Variants in ADAMTSL1 observed in about 807,000 individuals in gnomAD.
The protein encoded by ADAMTSL1 is ADAMTS like 1, also known as ADAMTS-like protein 1.
In ADAMTSL1, 126 loss-of-function variants were observed where a neutral mutation model predicts 201.8. That is an observed-to-expected ratio of 0.62 (90% CI 0.54 to 0.72). ADAMTSL1 has a LOEUF of 0.72. Among genes scored for constraint, ADAMTSL1 ranks in the 30% least tolerant of loss-of-function variants. The pLI is 0.00. For synonymous variants in ADAMTSL1, 1,121 were observed against 903.4 expected, an observed-to-expected ratio of 1.24 and a Z score of -4.32; for missense variants, 2,679 against 2,277.8, an observed-to-expected ratio of 1.18 and a Z score of -3.59.
intron 15 of ADAMTSL1, among the ~76,000 whole-genome samples, chr9:18,728,531 C>T (rs976100126): frequency 6.6e-5 from 10 of 151,926 alleles, no homozygotes; most frequent in Admixed American, 4.6e-4. Flanking sequence ...TCACGGATAA[C>T]GAGAAGACAA....
intron 4 of ADAMTSL1, among the ~76,000 whole-genome samples, chr9:18,581,071 G>C (rs963914550): frequency 2.6e-5 from 4 of 151,974 alleles, no homozygotes; most frequent in Non-Finnish European, 4.4e-5. Context: ...AAAAATCAAA[G>C]TGTCATCAGA....
chr9:18,659,088 C>T (rs1373637244), intron 8 of ADAMTSL1, among the ~76,000 whole-genome samples: 3 of 152,162 alleles, frequency 2.0e-5, no homozygotes, highest in Admixed American at 1.3e-4. Flanking sequence ...AAAATTAGCA[C>T]ATCAAATAAA....
intron 1 of ADAMTSL1, among the ~76,000 whole-genome samples, chr9:17,933,683 G>A (rs556387169): frequency 8.5e-5 from 13 of 152,104 alleles, no homozygotes; most frequent in Admixed American, 2.0e-4. Context: ...AAGAGAAAGC[G>A]GGCTCATCTT....
intron 15 of ADAMTSL1, among the ~76,000 whole-genome samples, chr9:18,722,140 G>GGT (rs33942222): frequency 0.26 from 39,845 of 151,958 alleles, 5,753 homozygotes; most frequent in Non-Finnish European, 0.33. Context: ...ATGCTCTGGG[G>GGT]GTGTGTGTGT....
At chr9:18,756,122 T>TAC (rs1563772077) in intron 16 of ADAMTSL1, among the ~76,000 whole-genome samples, 4 of 85,844 alleles carry the variant, frequency 4.7e-5, no homozygotes, top group Non-Finnish European at 7.1e-5. Context: ...TATATATATA[T>TAC]ACAAAAATTA....
chr9:18,243,688 A>G (rs899613987), intron 2 of ADAMTSL1, among the ~76,000 whole-genome samples: 4 of 151,786 alleles, frequency 2.6e-5, no homozygotes, highest in African/African-American at 9.7e-5. Flanking sequence ...CACATCTTCA[A>G]CTATGACATC....
chr9:18,180,418 A>G (rs1301900828), intron 2 of ADAMTSL1, among the ~76,000 whole-genome samples: 1 of 150,854 alleles, frequency 6.6e-6, no homozygotes, highest in African/African-American at 2.4e-5. Context: ...CTGTAGTCCC[A>G]GCTACTTGGG....
At chr9:18,671,480 C>A (rs924018182) in intron 9 of ADAMTSL1, among the ~76,000 whole-genome samples, 22 of 152,104 alleles carry the variant, frequency 1.4e-4, no homozygotes, top group African/African-American at 5.3e-4. Context: ...GAGATGACAA[C>A]TGGAAGAACT....
At chr9:18,051,426 G>C (rs1401432437) in intron 1 of ADAMTSL1, among the ~76,000 whole-genome samples, 1 of 152,134 alleles carries the variant, frequency 6.6e-6, no homozygotes, top group African/African-American at 2.4e-5. Context: ...AGGAATACTT[G>C]GAATATTTGT....
intron 16 of ADAMTSL1, 23 bp from the exon 17 acceptor site, chr9:18,770,579 T>C: frequency 6.3e-7 from 1 of 1,593,238 alleles, no homozygotes. Context: ...TACTTTTTCT[T>C]CTTTCCTTCT....
intron 20 of ADAMTSL1, among the ~76,000 whole-genome samples, chr9:18,811,868 C>A (rs995643680): frequency 9.2e-5 from 14 of 152,016 alleles, no homozygotes; most frequent in Middle Eastern, 6.8e-3. Context: ...CAAAAGAAAA[C>A]CAAAATAATT....
intron 1 of ADAMTSL1, among the ~76,000 whole-genome samples, chr9:18,155,816 A>G (rs1182051221): frequency 6.6e-6 from 1 of 152,042 alleles, no homozygotes; most frequent in Non-Finnish European, 1.5e-5. Context: ...GTCTAGTCCA[A>G]TAGTACTTGG....
intron 1 of ADAMTSL1, among the ~76,000 whole-genome samples, chr9:18,110,333 C>T (rs1333044731): frequency 6.6e-6 from 1 of 152,166 alleles, no homozygotes; most frequent in Non-Finnish European, 1.5e-5. Context: ...CAAAAAGGAA[C>T]TGGATTTGCG....
chr9:18,257,306 G>A (rs1831726472), intron 2 of ADAMTSL1, among the ~76,000 whole-genome samples: 1 of 152,164 alleles, frequency 6.6e-6, no homozygotes, highest in African/African-American at 2.4e-5. Flanking sequence ...AAAAGATAAT[G>A]TGAAAGGCAG....
chr9:18,096,264 C>T lies in ADAMTSL1; in HGVS notation c.88-67598C>T, dbSNP rs368182706. 2.0e-5 allele frequency among the ~76,000 whole-genome samples: 3 copies of T among 152,182 alleles called. No individual in the cohort carries two copies. In the East Asian group the frequency reaches 5.8e-4, roughly 29 times the overall value. On this transcript the variant is annotated intron_variant, in intron 1 of 29. Coordinates refer to the ADAMTSL1 transcript ENST00000680146. The stretch of plus-strand genomic sequence containing the variant: ...ATATATAATGTGCATATTCAGTGAA[C>T]TATAATGACAATGACTAAATATAGT...
rs777866149 is a variant in ADAMTSL1 at position 18,775,864 on chromosome 9, C to G, written c.2519C>G (p.Ser840Cys). The G allele has an allele frequency of 6.2e-6, 10 of 1,601,820 alleles. No homozygotes were observed. Among genetic ancestry groups the G allele is most frequent in the Non-Finnish European group, 7.7e-6 (9 of 1,173,784 alleles). ...TGCCCGCCCCTGCCTTTCTCTTCCT[C>G]CATCAGGCCCTGTATGCTGGCAACC... The part of the protein sequence containing the change: ...TLCPPLPFSS[S>C]IRPCMLATCA... Residue 840 changes from serine to cysteine, a missense_variant, in exon 18 of 29, where the codon TCC (serine) becomes TGC (cysteine). Coordinates refer to ENST00000380548, the MANE Select transcript of ADAMTSL1 (RefSeq NM_001040272.6).
chr9:18,034,858 C>T (rs1242529852), intron 1 of ADAMTSL1, among the ~76,000 whole-genome samples: 1 of 152,172 alleles, frequency 6.6e-6, no homozygotes, highest in Non-Finnish European at 1.5e-5. Context: ...GTATTCGTCT[C>T]TGAGCTGAAT....
intron 2 of ADAMTSL1, among the ~76,000 whole-genome samples, chr9:18,371,040 A>T (rs1223929139): frequency 6.6e-6 from 1 of 152,158 alleles, no homozygotes; most frequent in East Asian, 1.9e-4. Flanking sequence ...TTCATATCCA[A>T]TTATTTTTTT....
intron 1 of ADAMTSL1, among the ~76,000 whole-genome samples, chr9:18,125,544 G>C (rs569958023): frequency 2.0e-5 from 3 of 152,042 alleles, no homozygotes; most frequent in Admixed American, 1.3e-4. Flanking sequence ...TCTTCTAAGA[G>C]TTTTATAATT....
Sources: allele counts gnomAD v4.1 joint callset (sites outside exome capture counted in the v4.1 genomes callset), GRCh38; gene constraint gnomAD v4.1.1; transcripts MANE v1.5; gene names NCBI Gene and HGNC (gene_info 2026-07-23, HGNC 2026-07-21).